The following ANKAR variants were observed in gnomAD, a reference collection of about 807,000 sequenced individuals.
The protein encoded by ANKAR is ankyrin and armadillo repeat containing.
A neutral mutation model predicts 146.2 loss-of-function variants in ANKAR; 136 were observed. The observed-to-expected ratio is 0.93, with a 90% confidence interval of 0.81 to 1.07. The LOEUF is 1.07. Among genes scored for constraint, ANKAR ranks in the 50% least tolerant of loss-of-function variants. The pLI is 0.00. For synonymous variants in ANKAR, 500 were observed against 575.8 expected, an observed-to-expected ratio of 0.87 and a Z score of 1.88; for missense variants, 1,567 against 1,679.9, an observed-to-expected ratio of 0.93 and a Z score of 1.18.
At chr2:189,762,483 A>G (rs1574947999), downstream of ANKAR, 2 of 647,500 alleles carry the variant, frequency 3.1e-6, no homozygotes, top group Non-Finnish European at 3.8e-6. Context: ...TAGAGGAATT[A>G]GATTTGCATT....
At chr2:189,718,160 T>C (rs903053810) in intron 10 of ANKAR, among the ~76,000 whole-genome samples, 3 of 152,222 alleles carry the variant, frequency 2.0e-5, no homozygotes, top group Non-Finnish European at 4.4e-5. Context: ...TCTGAAATGA[T>C]GAAAATGTTC....
At chr2:189,723,339 T>C (rs1435660504) in intron 12 of ANKAR, among the ~76,000 whole-genome samples, 1 of 152,230 alleles carries the variant, frequency 6.6e-6, no homozygotes, top group Non-Finnish European at 1.5e-5. Flanking sequence ...CATTCTTATA[T>C]ACATATATTC....
intron 10 of ANKAR, among the ~76,000 whole-genome samples, chr2:189,718,324 G>A (rs1559111713): frequency 1.0e-3 from 13 of 12,700 alleles, no homozygotes; most frequent in South Asian, 6.4e-3. Flanking sequence ...CTATCTGTCT[G>A]TCTATCTGTC....
chr2:189,762,681 C>T (rs982382976), downstream of ANKAR: 1 of 985,218 alleles, frequency 1.0e-6, no homozygotes, highest in Non-Finnish European at 1.2e-6. Context: ...GCAATTTCAC[C>T]CACCTTCCAC....
intron 18 of ANKAR, chr2:189,755,445 C>G (rs1559169476): frequency 1.2e-6 from 2 of 1,607,470 alleles, no homozygotes; most frequent in South Asian, 1.1e-5. Flanking sequence ...ATGGTAGTTG[C>G]AATTGCTGAG....
intron 2 of ANKAR, among the ~76,000 whole-genome samples, chr2:189,687,012 T>C (rs1041635952): frequency 6.6e-6 from 1 of 152,292 alleles, no homozygotes; most frequent in South Asian, 2.1e-4. Flanking sequence ...AAATGTACAA[T>C]AAATTATTGA....
chr2:189,750,346 G>C (rs1189700995), downstream of ANKAR, among the ~76,000 whole-genome samples: 1 of 151,786 alleles, frequency 6.6e-6, no homozygotes, highest in African/African-American at 2.4e-5. Context: ...TTTCTCAAAA[G>C]ATGTTTTATT....
downstream of ANKAR, among the ~76,000 whole-genome samples, chr2:189,749,093 A>C (rs535715829): frequency 6.6e-6 from 1 of 152,078 alleles, no homozygotes; most frequent in South Asian, 2.1e-4. Flanking sequence ...AAAAATACAA[A>C]AAATGAGCTG....
chr2:189,679,969 A>G (rs1034381625), intron 2 of ANKAR, among the ~76,000 whole-genome samples: 27 of 152,184 alleles, frequency 1.8e-4, no homozygotes, highest in Admixed American at 1.4e-3. Context: ...GCTTCATAGA[A>G]TAATGTAGGG....
chr2:189,701,442 C>T (rs762173684), intron 7 of ANKAR, among the ~76,000 whole-genome samples: 1 of 152,082 alleles, frequency 6.6e-6, no homozygotes, highest in Non-Finnish European at 1.5e-5. Context: ...ACTATGTTGC[C>T]CAGGCTGGTT....
rs2041031429 is a variant in ANKAR at position 189,719,911 on chromosome 2, C to T, written c.2466+98C>T. 5 of 1,276,796 alleles carry T rather than the reference C, an allele frequency of 3.9e-6. No individual in the cohort carries two copies. The East Asian group carries it at 1.2e-4, about 32-fold the overall frequency. 79.1% of individuals were successfully genotyped at this position (1,276,796 alleles called of 1,614,324 possible). A position where few individuals can be genotyped will look rare whatever the true frequency, so the allele number is the denominator to read the frequency against. On this transcript the variant is annotated intron_variant, in intron 11 of 22. Transcript: ENST00000684021. ...CCCACGTTACTATTCAGTGACAAAA[C>T]TCTCAGGGAAGAATACAGCAGGGAA...
Position 189,728,089 on chromosome 2 carries a change from C to T in ANKAR, c.2869C>T (p.Leu957Phe), listed in dbSNP as rs188364226. Residue 957 changes from leucine to phenylalanine, a missense_variant, in exon 13 of 23, where the codon CTC becomes TTC. Physicochemically the swap from Leu to Phe is conservative, Grantham distance 22. Coordinates refer to ENST00000684021, the MANE Select transcript of ANKAR (RefSeq NM_001378068.1). The part of the protein sequence containing the change: ...EKSLTKYLLK[L>F]LKAFQIDVKE... ...ATCGTTAACTAAATATCTTTTAAAA[C>T]TCCTAAAGGTAGGAATTTTATGATT... 9 of 1,605,940 alleles carry T rather than the reference C, an allele frequency of 5.6e-6. No individual in the cohort carries two copies. The highest frequency in any genetic ancestry group is 7.7e-6 in the Non-Finnish European group (9 of 1,175,822).
At chr2:189,750,564 T>C (rs760426018), downstream of ANKAR, 3 of 1,478,642 alleles carry the variant, frequency 2.0e-6, no homozygotes, top group African/African-American at 2.8e-5. Flanking sequence ...AGGGACTTTT[T>C]TGAACAGCAG....
intron 7 of ANKAR, among the ~76,000 whole-genome samples, chr2:189,704,380 G>A (rs561892878): frequency 2.9e-4 from 43 of 150,616 alleles, no homozygotes; most frequent in African/African-American, 9.7e-4. Flanking sequence ...CGTGACCTCA[G>A]GTGATCCACC....
At chr2:189,701,294 A>G (rs888635372) in intron 7 of ANKAR, among the ~76,000 whole-genome samples, 1 of 151,430 alleles carries the variant, frequency 6.6e-6, no homozygotes, top group Non-Finnish European at 1.5e-5. Flanking sequence ...GTGCAGTGGC[A>G]TGATCTTAGC....
intron 7 of ANKAR, among the ~76,000 whole-genome samples, chr2:189,700,035 TTCA>T (rs1350715937): frequency 1.4e-5 from 2 of 147,144 alleles, no homozygotes. Context: ...TTACTTGACC[TTCA>T]TTTTTTTTTT....
In ANKAR at chr2:189,695,059, A is replaced by C; in HGVS notation, c.1386A>C (p.Glu462Asp). ...CACAGTGGTGGGGAGCCATAAATGAAATAGTGAACAATCTGAGACTGAAAA... is the reference window on the plus strand; with the variant it reads ...CACAGTGGTGGGGAGCCATAAATGACATAGTGAACAATCTGAGACTGAAAA... ...YKTQWWGAIN[E>D]IVNNLRLKRL... The change falls in exon 6 of 23, where the codon GAA (glutamate) becomes GAC (aspartate). Residue 462 changes from glutamate to aspartate, a missense_variant. Transcript: ENST00000684021. 1 of 1,612,984 alleles carries C rather than the reference A, an allele frequency of 6.2e-7. No homozygotes were observed. Among genetic ancestry groups the C allele is most frequent in the Non-Finnish European group, 8.5e-7 (1 of 1,179,446 alleles).
rs559520405 is a variant in ANKAR at position 189,693,284 on chromosome 2, C to T, written c.1307+107C>T. The T allele has an allele frequency of 2.0e-4, 134 of 679,060 alleles. No individual in the cohort carries two copies. The Middle Eastern group carries it at 2.6e-3, about 13-fold the overall frequency. The allele number at this position is 679,060 out of a possible 1,614,324, so 42.1% of individuals were successfully genotyped here. A position where few individuals can be genotyped will look rare whatever the true frequency, so the allele number is the denominator to read the frequency against. ...AGGTTAATGTAAACCTTTACAATGG[C>T]GATTCCACAATAATAACCACCATGA... On this transcript the variant is annotated intron_variant, in intron 5 of 22. Coordinates refer to ENST00000684021, the MANE Select transcript of ANKAR (RefSeq NM_001378068.1).
Position 189,695,068 on chromosome 2 carries a change from C to A in ANKAR, c.1395C>A (p.Asn465Lys), listed in dbSNP as rs1162420420. The A allele has an allele frequency of 1.2e-6, 2 of 1,612,620 alleles. No homozygotes were observed. The highest frequency in any genetic ancestry group is 1.7e-6 in the Non-Finnish European group (2 of 1,179,308). ...GGGGAGCCATAAATGAAATAGTGAA[C>A]AATCTGAGACTGAAAAGACTTCCAC... ...QWWGAINEIV[N>K]NLRLKRLPLT... The change falls in exon 6 of 23, where the codon AAC becomes AAA. Residue 465 changes from asparagine to lysine, a missense_variant. Asn to Lys is a moderately conservative substitution (Grantham distance 94). Transcript: ENST00000684021.
Sources: allele counts gnomAD v4.1 joint callset (sites outside exome capture counted in the v4.1 genomes callset), GRCh38; gene constraint gnomAD v4.1.1; transcripts MANE v1.5; gene names NCBI Gene and HGNC (gene_info 2026-07-23, HGNC 2026-07-21).